XIRP2: variants seen among roughly 807,000 people sequenced by gnomAD.
The protein encoded by XIRP2 is xin actin binding repeat containing 2, also known as xin actin-binding repeat-containing protein 2.
In XIRP2, 236 loss-of-function variants were observed where a neutral mutation model predicts 277.0. The ratio of observed to expected loss-of-function variants is 0.85; its 90% CI spans 0.77 to 0.95. The LOEUF (loss-of-function observed/expected upper bound fraction) is 0.95, where lower values mean the gene tolerates loss of function less well. Ranked by LOEUF, XIRP2 falls within the 40% of genes least tolerant of loss-of-function variation. The pLI is 0.00. For missense variants in XIRP2, 4,640 were observed against 4,157.5 expected, an observed-to-expected ratio of 1.12 and a Z score of -3.19; for synonymous variants, 1,490 against 1,416.5, an observed-to-expected ratio of 1.05 and a Z score of -1.17.
At chr2:166,917,238 A>G (rs1684911685) in intron 2 of XIRP2, among the ~76,000 whole-genome samples, 1 of 152,154 alleles carries the variant, frequency 6.6e-6, no homozygotes, top group African/African-American at 2.4e-5. Flanking sequence ...ATCTTTTAAC[A>G]TAAGTTACAA....
intron 3 of XIRP2, among the ~76,000 whole-genome samples, chr2:167,169,470 C>A (rs1692621894): frequency 6.6e-6 from 1 of 152,200 alleles, no homozygotes; most frequent in Non-Finnish European, 1.5e-5. Flanking sequence ...AGTTTCTGCA[C>A]TGGTAAGTTT....
At chr2:166,942,655 TAAAC>T (rs893015556) in intron 2 of XIRP2, among the ~76,000 whole-genome samples, 9 of 152,226 alleles carry the variant, frequency 5.9e-5, no homozygotes, top group African/African-American at 1.7e-4. Context: ...TTTGTACTGA[TAAAC>T]AATTACCAAG....
chr2:166,962,349 G>A lies in XIRP2; in HGVS notation c.408+58459G>A, dbSNP rs377379993. Among the ~76,000 whole-genome samples the A allele has an allele frequency of 9.2e-4, 140 of 151,620 alleles. 1 individual carries two copies. The highest frequency in any genetic ancestry group is 2.7e-3 in the African/African-American group (112 of 41,442). On this transcript the variant is annotated intron_variant, in intron 2 of 10. Coordinates refer to ENST00000409195, the MANE Select transcript of XIRP2 (RefSeq NM_152381.6). ...CTGTATAAGCAGAACCACAAAAACC[G>A]TGCATATGATGCAGTGAATGGCCCA...
chr2:167,073,213 C>G (rs1035293662), intron 2 of XIRP2, among the ~76,000 whole-genome samples: 3 of 151,952 alleles, frequency 2.0e-5, no homozygotes, highest in Non-Finnish European at 2.9e-5. Flanking sequence ...CTTTCATACT[C>G]GACTTTTAAT....
At chr2:167,101,538 T>A (rs1247020115) in intron 2 of XIRP2, among the ~76,000 whole-genome samples, 1 of 152,190 alleles carries the variant, frequency 6.6e-6, no homozygotes, top group East Asian at 1.9e-4. Flanking sequence ...TCCTCATAGC[T>A]TAGCTCCCAG....
rs190954035 is a variant in XIRP2 at position 167,143,267 on chromosome 2, G to C, written c.562+7205G>C. 9.9e-4 allele frequency among the ~76,000 whole-genome samples: 151 copies of C among 152,232 alleles called. 1 individual carries two copies. The highest frequency in any genetic ancestry group is 3.4e-3 in the African/African-American group (140 of 41,530). ...AAAGGTGGCAGGTTCATAAACAGATGTCAACACTAGGAGATGAACAGTGCT... is the reference window on the plus strand; with the variant it reads ...AAAGGTGGCAGGTTCATAAACAGATCTCAACACTAGGAGATGAACAGTGCT... On this transcript the variant is annotated intron_variant, in intron 3 of 10. Transcript: ENST00000409195.
intron 3 of XIRP2, among the ~76,000 whole-genome samples, chr2:167,138,451 C>T (rs1268314596): frequency 6.6e-6 from 1 of 152,170 alleles, no homozygotes; most frequent in East Asian, 1.9e-4. Context: ...TGATGATACA[C>T]TCCCAGGTTC....
intron 2 of XIRP2, among the ~76,000 whole-genome samples, chr2:167,038,656 T>C (rs1558958283): frequency 6.6e-6 from 1 of 151,972 alleles, no homozygotes; most frequent in East Asian, 1.9e-4. Flanking sequence ...ATATAAGTAT[T>C]TATTATTTGA....
intron 2 of XIRP2, among the ~76,000 whole-genome samples, chr2:167,106,761 A>C (rs559160656): frequency 6.6e-6 from 1 of 151,616 alleles, no homozygotes; most frequent in Admixed American, 6.6e-5. Flanking sequence ...TCTATATATT[A>C]ATTTAACTAG....
intron 2 of XIRP2, among the ~76,000 whole-genome samples, chr2:166,994,492 T>TA (rs199932317): frequency 0.024 from 2,630 of 107,544 alleles, 23 homozygotes; most frequent in African/African-American, 0.054. Flanking sequence ...AAAAAAAAAT[T>TA]AAAAAAAAAA....
intron 1 of XIRP2, among the ~76,000 whole-genome samples, chr2:166,898,052 A>C (rs995186134): frequency 3.3e-5 from 5 of 152,084 alleles, no homozygotes; most frequent in African/African-American, 1.2e-4. Flanking sequence ...GCTGTAGAGA[A>C]GTTATTTCCT....
intron 2 of XIRP2, among the ~76,000 whole-genome samples, chr2:166,998,577 C>T (rs1374309369): frequency 6.6e-6 from 1 of 152,136 alleles, no homozygotes; most frequent in Non-Finnish European, 1.5e-5. Flanking sequence ...ACGGAGCTTG[C>T]AGTGAGCTGT....
At chr2:167,025,926 A>G (rs1574177754) in intron 2 of XIRP2, among the ~76,000 whole-genome samples, 1 of 152,050 alleles carries the variant, frequency 6.6e-6, no homozygotes, top group Admixed American at 6.6e-5. Flanking sequence ...AAAAATGTAT[A>G]TTCTGTTGAT....
chr2:166,978,096 G>A (rs533559751), intron 2 of XIRP2, among the ~76,000 whole-genome samples: 1 of 152,190 alleles, frequency 6.6e-6, no homozygotes, highest in Middle Eastern at 3.4e-3. Flanking sequence ...TTTCTATACA[G>A]ATTTTCTGTT....
intron 3 of XIRP2, among the ~76,000 whole-genome samples, chr2:167,161,138 A>T (rs1328495847): frequency 1.3e-5 from 2 of 152,222 alleles, no homozygotes; most frequent in African/African-American, 4.8e-5. Context: ...GCAACTCCAC[A>T]TCTGCAGCTT....
At chr2:167,026,870 A>T (rs551262677) in intron 2 of XIRP2, among the ~76,000 whole-genome samples, 1 of 152,122 alleles carries the variant, frequency 6.6e-6, no homozygotes, top group South Asian at 2.1e-4. Flanking sequence ...TTCTGCCGAG[A>T]TCCGCTGTTA....
intron 2 of XIRP2, among the ~76,000 whole-genome samples, chr2:167,034,599 A>G (rs912675258): frequency 2.0e-5 from 3 of 152,150 alleles, no homozygotes; most frequent in African/African-American, 7.2e-5. Context: ...ATGGAAAATG[A>G]TATCCCATGC....
chr2:167,247,503 T>C lies in XIRP2; in HGVS notation c.6111T>C (p.Asp2037=). 1.2e-6 allele frequency: 2 copies of C among 1,613,772 alleles called. No homozygotes were observed. The highest frequency in any genetic ancestry group is 1.7e-6 in the Non-Finnish European group (2 of 1,179,790). ...TCATAGATCGTGAACAAAACAATGATGCTCTGGAGAAAAGCCTTAGAAGAC... is the reference window on the plus strand; with the variant it reads ...TCATAGATCGTGAACAAAACAATGACGCTCTGGAGAAAAGCCTTAGAAGAC... The part of the protein sequence containing the change: ...KIVIDREQNN[D]ALEKSLRRLS... The change falls in exon 9 of 11, where the codon GAT becomes GAC. Residue 2037 remains aspartate, a synonymous_variant. Coordinates refer to ENST00000409195, the MANE Select transcript of XIRP2 (RefSeq NM_152381.6).
intron 3 of XIRP2, among the ~76,000 whole-genome samples, chr2:167,202,980 C>T (rs1693764026): frequency 6.6e-6 from 1 of 152,078 alleles, no homozygotes; most frequent in Non-Finnish European, 1.5e-5. Context: ...GTAGAATATT[C>T]AATCTCTTTT....
Sources: gnomAD v4.1 joint callset for allele counts (sites outside exome capture counted in the v4.1 genomes callset) on GRCh38, gnomAD v4.1.1 for gene constraint, MANE v1.5 for transcripts, NCBI Gene and HGNC (gene_info 2026-07-23, HGNC 2026-07-21) for gene names.